Variants in ALK observed in about 807,000 individuals in gnomAD.
The protein encoded by ALK is ALK tyrosine kinase receptor.
Under a neutral mutation model 163.1 loss-of-function variants are expected in ALK, and 74 were observed. The ratio of observed to expected loss-of-function variants is 0.45; its 90% CI spans 0.38 to 0.55. The LOEUF (loss-of-function observed/expected upper bound fraction) is 0.55, where lower values mean the gene tolerates loss of function less well. Among genes scored for constraint, ALK ranks in the 20% least tolerant of loss-of-function variants. The probability of loss-of-function intolerance (pLI) is 0.00; values close to 1 mark genes in which losing one functional copy is unlikely to be tolerated. For missense variants in ALK, 2,063 were observed against 2,105.3 expected (o/e 0.98, Z 0.39); for synonymous variants, 960 against 843.2 (o/e 1.14, Z -2.40).
chr2:29,511,840 T>C (rs1672528948), intron 4 of ALK, among the ~76,000 whole-genome samples: 1 of 152,210 alleles, frequency 6.6e-6, no homozygotes, highest in Non-Finnish European at 1.5e-5. Context: ...GCTATTGTAA[T>C]TTTACTAATG....
At chr2:29,254,758 TA>T (rs1219851809) in intron 11 of ALK, among the ~76,000 whole-genome samples, 1 of 152,232 alleles carries the variant, frequency 6.6e-6, no homozygotes, top group Non-Finnish European at 1.5e-5. Flanking sequence ...GACTACAGTT[TA>T]AAACGTGTGT....
chr2:29,660,014 T>C (rs1239714117), intron 3 of ALK, among the ~76,000 whole-genome samples: 1 of 152,192 alleles, frequency 6.6e-6, no homozygotes, highest in Non-Finnish European at 1.5e-5. Context: ...TAAAAAGTGA[T>C]ACCCCACTTT....
chr2:29,483,244 T>G (rs994704831), intron 4 of ALK, among the ~76,000 whole-genome samples: 13 of 152,226 alleles, frequency 8.5e-5, no homozygotes, highest in Admixed American at 1.3e-4. Context: ...AAACCCTGTC[T>G]GTATACTGGT....
chr2:29,193,083 A>C lies in ALK; in HGVS notation c.*141T>G. 1 of 903,570 alleles carries C rather than the reference A, an allele frequency of 1.1e-6. No individual in the cohort carries two copies. The highest frequency in any genetic ancestry group is 1.8e-6 in the Non-Finnish European group (1 of 566,438). 56.0% of individuals were successfully genotyped at this position (903,570 alleles called of 1,614,324 possible). On this transcript the variant is annotated 3_prime_UTR_variant, in exon 29 of 29. Coordinates refer to ENST00000389048, the MANE Select transcript of ALK (RefSeq NM_004304.5). The stretch of plus-strand genomic sequence containing the variant: ...CCTTTCTAAAGCATTTTCAAAATAC[A>C]GCTTTTTTGGTGGTACTTCAAAATA...
At chr2:29,474,629 T>C (rs181533499) in intron 4 of ALK, among the ~76,000 whole-genome samples, 1 of 152,340 alleles carries the variant, frequency 6.6e-6, no homozygotes, top group East Asian at 1.9e-4. Flanking sequence ...TTACCTTGTG[T>C]AACTAACTCT....
chr2:29,721,789 TA>T (rs1185991512), intron 1 of ALK, among the ~76,000 whole-genome samples: 1 of 152,230 alleles, frequency 6.6e-6, no homozygotes, highest in East Asian at 1.9e-4. Flanking sequence ...CACCATCTTA[TA>T]AAGAAAGAAA....
chr2:29,502,112 C>T (rs2148132856), intron 4 of ALK, among the ~76,000 whole-genome samples: 1 of 152,312 alleles, frequency 6.6e-6, no homozygotes, highest in South Asian at 2.1e-4. Context: ...CTCCTCTTTG[C>T]CAGGTCCTGT....
intron 1 of ALK, among the ~76,000 whole-genome samples, chr2:29,856,173 A>G: frequency 6.6e-6 from 1 of 152,248 alleles, no homozygotes; most frequent in Middle Eastern, 3.4e-3. Flanking sequence ...TTCAGAAAAA[A>G]CTTGGGGTTG....
intron 11 of ALK, among the ~76,000 whole-genome samples, chr2:29,274,511 A>T (rs867185971): frequency 7.9e-5 from 12 of 152,294 alleles, no homozygotes; most frequent in African/African-American, 2.9e-4. Flanking sequence ...GGTCTAATAG[A>T]AGAGTGGTGG....
chr2:29,774,325 G>A (rs1197894663), intron 1 of ALK, among the ~76,000 whole-genome samples: 2 of 152,166 alleles, frequency 1.3e-5, no homozygotes, highest in African/African-American at 2.4e-5. Context: ...ACTCACTCTA[G>A]AAGGACAAGA....
intron 1 of ALK, among the ~76,000 whole-genome samples, chr2:29,833,737 G>T (rs938529805): frequency 1.3e-5 from 2 of 152,230 alleles, no homozygotes; most frequent in African/African-American, 2.4e-5. Context: ...ACCGTTCATA[G>T]GTGGTAGATT....
intron 4 of ALK, among the ~76,000 whole-genome samples, chr2:29,502,899 A>T (rs1465578992): frequency 2.0e-5 from 3 of 152,196 alleles, no homozygotes; most frequent in African/African-American, 7.2e-5. Context: ...CCTCCAGTAA[A>T]ACTAGAGTAA....
At position 29,636,337 on chromosome 2, in the gene ALK, GAAAGAAAAGA is replaced by G. The variant is rs149544557; in HGVS notation, c.952+58503_952+58512del. On this transcript the variant is annotated intron_variant, in intron 3 of 28. Transcript: ENST00000389048. ...CATCCAGAGGCCAAAAATAAAGAAAGAAAGAAAAGAAAAGAAAAGAAAAGAAAAGAAAAGA... is the reference window on the plus strand; with the variant it reads ...CATCCAGAGGCCAAAAATAAAGAAAGAAAGAAAAGAAAAGAAAAGAAAAGA... Among the ~76,000 whole-genome samples, 860 of 147,808 alleles carry G rather than the reference GAAAGAAAAGA, an allele frequency of 5.8e-3. 5 individuals are homozygous for G. The highest frequency in any genetic ancestry group is 0.017 in the South Asian group (82 of 4,696).
At chr2:29,498,474 C>T (rs1397545605) in intron 4 of ALK, among the ~76,000 whole-genome samples, 1 of 151,854 alleles carries the variant, frequency 6.6e-6, no homozygotes, top group African/African-American at 2.4e-5. Context: ...CGACCTCATC[C>T]GTAAAATGGG....
intron 4 of ALK, among the ~76,000 whole-genome samples, chr2:29,470,810 A>G (rs1671330375): frequency 6.6e-6 from 1 of 152,224 alleles, no homozygotes. Context: ...AGCAATGGCA[A>G]GGGAAAATAC....
intron 4 of ALK, among the ~76,000 whole-genome samples, chr2:29,514,399 A>G (rs1672605779): frequency 6.6e-6 from 1 of 151,742 alleles, no homozygotes; most frequent in African/African-American, 2.4e-5. Flanking sequence ...CTATCGCAAG[A>G]ACAAAAAACC....
At chr2:29,525,525 C>A (rs1298421571) in intron 4 of ALK, among the ~76,000 whole-genome samples, 1 of 152,056 alleles carries the variant, frequency 6.6e-6, no homozygotes, top group African/African-American at 2.4e-5. Flanking sequence ...GGTGCGGTGG[C>A]TCATGCCTGT....
intron 3 of ALK, among the ~76,000 whole-genome samples, chr2:29,576,197 T>G (rs1674520445): frequency 6.6e-6 from 1 of 152,216 alleles, no homozygotes; most frequent in African/African-American, 2.4e-5. Flanking sequence ...AGCTAGGATG[T>G]GCTGAAAAGC....
At chr2:29,219,381 C>T (rs75470576) in intron 23 of ALK, among the ~76,000 whole-genome samples, 3 of 152,188 alleles carry the variant, frequency 2.0e-5, no homozygotes, top group South Asian at 2.1e-4. Flanking sequence ...AGGTGGAGAT[C>T]AGAATAGCTA....
Sources: gnomAD v4.1 joint callset for allele counts (sites outside exome capture counted in the v4.1 genomes callset) on GRCh38, gnomAD v4.1.1 for gene constraint, MANE v1.5 for transcripts, NCBI Gene and HGNC (gene_info 2026-07-23, HGNC 2026-07-21) for gene names.